Variants in KRT222 observed in about 807,000 individuals in gnomAD.
KRT222 encodes the protein keratin-like protein KRT222.
Under a neutral mutation model 35.0 loss-of-function variants are expected in KRT222, and 23 were observed. That is an observed-to-expected ratio of 0.66 (90% confidence interval 0.47 to 0.93). The LOEUF (loss-of-function observed/expected upper bound fraction) is 0.93, where lower values mean the gene tolerates loss of function less well. Ranked by LOEUF, KRT222 falls within the 40% of genes least tolerant of loss-of-function variation. The pLI, the probability that KRT222 is intolerant of heterozygous loss-of-function variation, is 0.00. For synonymous variants in KRT222, 108 were observed against 118.8 expected (o/e 0.91, Z 0.59); for missense variants, 339 against 346.3 (o/e 0.98, Z 0.17).
chr17:40,659,233 G>C (rs2144031504), intron 3 of KRT222, among the ~76,000 whole-genome samples: 1 of 150,434 alleles, frequency 6.6e-6, no homozygotes, highest in African/African-American at 2.4e-5. Flanking sequence ...TCGGCTCACT[G>C]CAACCTGCCT....
Position 40,655,685 on chromosome 17 carries a change from C to A in KRT222, c.*717G>T, listed in dbSNP as rs1363213902. On this transcript the variant is annotated 3_prime_UTR_variant, in exon 6 of 6. Coordinates refer to ENST00000394052, the MANE Select transcript of KRT222 (RefSeq NM_152349.3). ...GGTGGGGGATACAACCTTTAAAGTTCCTTGAGTAAAGTAAATCTTCCGGAA... is the reference window on the plus strand; with the variant it reads ...GGTGGGGGATACAACCTTTAAAGTTACTTGAGTAAAGTAAATCTTCCGGAA... 6.6e-6 allele frequency: 1 copy of A among 151,720 alleles called. No homozygotes were observed. Among genetic ancestry groups the A allele is most frequent in the Non-Finnish European group, 1.5e-5 (1 of 67,890 alleles). 9.4% of individuals were successfully genotyped at this position (151,720 alleles called of 1,614,324 possible).
intron 3 of KRT222, 28 bp from the exon 4 acceptor site, chr17:40,657,778 G>C: frequency 1.4e-6 from 2 of 1,439,896 alleles, no homozygotes; most frequent in Non-Finnish European, 2.0e-6. Context: ...TTTATTTTAA[G>C]AGCAACACTG....
chr17:40,661,143 C>T (rs1300741277), intron 2 of KRT222, among the ~76,000 whole-genome samples: 17 of 151,922 alleles, frequency 1.1e-4, no homozygotes, highest in Admixed American at 1.1e-3. Context: ...ATGTTTTCGC[C>T]ATGTTGCTCA....
chr17:40,657,524 T>A, intron 4 of KRT222, 37 bp from the exon 5 acceptor site: 1 of 1,531,940 alleles, frequency 6.5e-7, no homozygotes, highest in Non-Finnish European at 8.9e-7. Context: ...TAAATTACAG[T>A]ATTGAATTAC....
chr17:40,662,622 C>T (rs538366930), intron 1 of KRT222, among the ~76,000 whole-genome samples: 1 of 152,210 alleles, frequency 6.6e-6, no homozygotes, highest in South Asian at 2.1e-4. Flanking sequence ...TGACCTTTTT[C>T]AAGATGATCT....
At chr17:40,658,988 T>C (rs2037363107) in intron 3 of KRT222, among the ~76,000 whole-genome samples, 1 of 152,196 alleles carries the variant, frequency 6.6e-6, no homozygotes, top group African/African-American at 2.4e-5. Context: ...ATTACTGTTT[T>C]GAGGTTTGAT....
Position 40,656,242 on chromosome 17 carries a change from A to G in KRT222, c.*160T>C. On this transcript the variant is annotated 3_prime_UTR_variant, in exon 6 of 6. Coordinates refer to ENST00000394052, the MANE Select transcript of KRT222 (RefSeq NM_152349.3). ...TCTATCTCCATAATTAGATTCAGAG[A>G]AATGTCCTTTATTGTTTTTTTCTTC... The G allele has an allele frequency of 1.7e-6, 1 of 576,784 alleles. No individual in the cohort carries two copies. The highest frequency in any genetic ancestry group is 3.1e-6 in the Non-Finnish European group (1 of 324,990). 35.7% of individuals were successfully genotyped at this position (576,784 alleles called of 1,614,324 possible). A position where few individuals can be genotyped will look rare whatever the true frequency, so the allele number is the denominator to read the frequency against.
intron 3 of KRT222, among the ~76,000 whole-genome samples, chr17:40,658,196 T>G (rs907001103): frequency 1.3e-5 from 2 of 149,246 alleles, no homozygotes; most frequent in Non-Finnish European, 3.0e-5. Context: ...GGTACAGAGG[T>G]GGTCATTATA....
chr17:40,657,830 G>A (rs565556710), intron 3 of KRT222, 80 bp from the exon 4 acceptor site: 13 of 924,918 alleles, frequency 1.4e-5, no homozygotes, highest in East Asian at 4.8e-5. Flanking sequence ...TGGATAAATC[G>A]TATATTCACG....
intron 1 of KRT222, 63 bp downstream of exon 1, chr17:40,664,941 G>T: frequency 6.2e-7 from 1 of 1,610,670 alleles, no homozygotes; most frequent in Non-Finnish European, 8.5e-7. Context: ...GCCGGGACAG[G>T]AATTGGGTAG....
intron 1 of KRT222, among the ~76,000 whole-genome samples, chr17:40,662,999 G>C (rs2037393720): frequency 6.6e-6 from 1 of 152,064 alleles, no homozygotes; most frequent in South Asian, 2.1e-4. Context: ...ATAAAGTTTA[G>C]GGCAAGGTAT....
chr17:40,662,176 A>C, intron 1 of KRT222, 132 bp from the exon 2 acceptor site: 1 of 1,109,638 alleles, frequency 9.0e-7, no homozygotes. Context: ...TTAGATTATA[A>C]TGTGTGTCCT....
At chr17:40,657,786 C>G (rs1294373766) in intron 3 of KRT222, 36 bp from the exon 4 acceptor site, 2 of 1,361,778 alleles carry the variant, frequency 1.5e-6, no homozygotes, top group Non-Finnish European at 2.1e-6. Context: ...AAGAGCAACA[C>G]TGTATCAGCA....
chr17:40,659,915 G>T, intron 3 of KRT222, 72 bp downstream of exon 3: 3 of 1,288,766 alleles, frequency 2.3e-6, no homozygotes, highest in South Asian at 1.2e-5. Context: ...TAATTTCTCT[G>T]ACTACATCAA....
Position 40,656,221 on chromosome 17 carries a change from T to G in KRT222, c.*181A>C. ...ATTCATATATATATATATATGTCTA[T>G]CTCCATAATTAGATTCAGAGAAATG... On this transcript the variant is annotated 3_prime_UTR_variant, in exon 6 of 6. Transcript: ENST00000394052. 1 of 554,294 alleles carries G rather than the reference T, an allele frequency of 1.8e-6. No individual in the cohort carries two copies. The highest frequency in any genetic ancestry group is 2.6e-5 in the South Asian group (1 of 38,800). The allele number at this position is 554,294 out of a possible 1,614,324, so 34.3% of individuals were successfully genotyped here.
intron 1 of KRT222, among the ~76,000 whole-genome samples, chr17:40,664,551 T>A (rs2037408140): frequency 6.6e-6 from 1 of 152,204 alleles, no homozygotes; most frequent in South Asian, 2.1e-4. Context: ...GTTAAAAAGA[T>A]GATAGAAACC....
intron 3 of KRT222, 96 bp downstream of exon 3, chr17:40,659,891 G>A (rs534898957): frequency 2.1e-6 from 2 of 964,504 alleles, no homozygotes; most frequent in East Asian, 4.8e-5. Flanking sequence ...TGATGATGAT[G>A]GGGTTTTTGG....
intron 1 of KRT222, 70 bp from the exon 2 acceptor site, chr17:40,662,114 A>C: frequency 6.4e-7 from 1 of 1,569,438 alleles, no homozygotes; most frequent in South Asian, 1.2e-5. Context: ...GAGATGTGTA[A>C]AAGCAATTAT....
Position 40,656,190 on chromosome 17 carries a change from C to A in KRT222, c.*212G>T. On this transcript the variant is annotated 3_prime_UTR_variant, in exon 6 of 6. Coordinates refer to ENST00000394052, the MANE Select transcript of KRT222 (RefSeq NM_152349.3). ...TTGTGATTTTATTTTTAAGCTACTC[C>A]CTCTCATTCATATATATATATATAT... The A allele has an allele frequency of 2.4e-6, 1 of 418,744 alleles. No individual in the cohort carries two copies. Among genetic ancestry groups the A allele is most frequent in the Non-Finnish European group, 4.2e-6 (1 of 238,784 alleles). The allele number at this position is 418,744 out of a possible 1,614,324, so 25.9% of individuals were successfully genotyped here.
Sources: gnomAD v4.1 joint callset for allele counts (sites outside exome capture counted in the v4.1 genomes callset) on GRCh38, gnomAD v4.1.1 for gene constraint, MANE v1.5 for transcripts, NCBI Gene and HGNC (gene_info 2026-07-23, HGNC 2026-07-21) for gene names.